FBXL2: variants seen among roughly 807,000 people sequenced by gnomAD.
FBXL2 encodes F-box/LRR-repeat protein 2.
In FBXL2, 38 loss-of-function variants were observed where a neutral mutation model predicts 69.2. The ratio of observed to expected loss-of-function variants is 0.55; its 90% confidence interval spans 0.42 to 0.72. The LOEUF (loss-of-function observed/expected upper bound fraction) is 0.72, where lower values mean the gene tolerates loss of function less well. FBXL2 is among the 30% of genes least tolerant of loss of function. FBXL2 has a pLI of 0.00. For synonymous variants in FBXL2, 192 were observed against 201.3 expected, an observed-to-expected ratio of 0.95 and a Z score of 0.39; for missense variants, 354 against 520.3, an observed-to-expected ratio of 0.68 and a Z score of 3.11.
chr3:33,346,258 G>T (rs1267219312), intron 2 of FBXL2, among the ~76,000 whole-genome samples: 1 of 151,934 alleles, frequency 6.6e-6, no homozygotes, highest in Non-Finnish European at 1.5e-5. Flanking sequence ...ATAAAATCAA[G>T]AATCTAAGCC....
intron 12 of FBXL2, 104 bp from the exon 13 acceptor site, chr3:33,378,581 T>G: frequency 1.6e-6 from 2 of 1,221,018 alleles, no homozygotes; most frequent in East Asian, 4.7e-5. Context: ...TGAGATGAGT[T>G]TTTAATTCTT....
intron 2 of FBXL2, among the ~76,000 whole-genome samples, chr3:33,346,828 A>T (rs2040475356): frequency 1.3e-5 from 1 of 76,490 alleles, no homozygotes; most frequent in Non-Finnish European, 2.2e-5. Flanking sequence ...GTTCAGATTT[A>T]AAAAAAAATT....
chr3:33,377,206 T>A (rs1240621102), intron 10 of FBXL2, 67 bp from the exon 11 acceptor site: 1 of 1,458,994 alleles, frequency 6.9e-7, no homozygotes, highest in Non-Finnish European at 9.6e-7. Context: ...GTATGCATCA[T>A]AAAATATGTG....
At chr3:33,370,602 C>T (rs2042235514) in intron 5 of FBXL2, among the ~76,000 whole-genome samples, 1 of 151,856 alleles carries the variant, frequency 6.6e-6, no homozygotes, top group Non-Finnish European at 1.5e-5. Flanking sequence ...TAGGGTTTTC[C>T]TATCACTGGT....
chr3:33,413,781 C>T, the FBXL2 span, among the ~76,000 whole-genome samples: 12 of 152,098 alleles, frequency 7.9e-5, 1 homozygote, highest in Admixed American at 7.9e-4. Flanking sequence ...CTTACCTGCA[C>T]CCACACCTGC....
At chr3:33,416,200 C>G in the FBXL2 span, 1 of 152,310 alleles carries the variant, frequency 6.6e-6, no homozygotes, top group South Asian at 2.1e-4. Flanking sequence ...TTTCATTAAC[C>G]CTGCCCTGTA....
intron 2 of FBXL2, among the ~76,000 whole-genome samples, chr3:33,325,884 G>A (rs2038653010): frequency 6.6e-6 from 1 of 152,036 alleles, no homozygotes; most frequent in Non-Finnish European, 1.5e-5. Flanking sequence ...AAAATATAAT[G>A]ATTGCAAATT....
chr3:33,280,713 CAAAAAAAAAAAAAA>C (rs34093056), intron 1 of FBXL2, among the ~76,000 whole-genome samples: 1 of 81,442 alleles, frequency 1.2e-5, no homozygotes, highest in Non-Finnish European at 2.5e-5. Flanking sequence ...GCCCTGTATC[CAAAAAAAAAAAAAA>C]AAAAAAGAAA....
chr3:33,323,246 C>T (rs1033994457), intron 2 of FBXL2, among the ~76,000 whole-genome samples: 2 of 152,130 alleles, frequency 1.3e-5, no homozygotes, highest in Admixed American at 1.3e-4. Context: ...GTGCAGTTTT[C>T]TAACTGGAAA....
intron 5 of FBXL2, chr3:33,372,366 A>T (rs2154047886): frequency 6.6e-6 from 1 of 152,636 alleles, no homozygotes. Context: ...TCTTCATCTC[A>T]GACAGTCCCA....
At chr3:33,394,817 G>GTTTTTTTTTTTTTTTTTTTTT (rs76142927) in intron 12 of FBXL2, among the ~76,000 whole-genome samples, 1 of 110,444 alleles carries the variant, frequency 9.1e-6, no homozygotes, top group Non-Finnish European at 2.1e-5. Context: ...CCCTCCACTT[G>GTTTTTTTTTTTTTTTTTTTTT]TTTTTTTTTT....
chr3:33,385,747 G>A lies in FBXL2; in HGVS notation c.*139G>A. 3.0e-6 allele frequency: 2 copies of A among 666,766 alleles called. No individual in the cohort carries two copies. Among genetic ancestry groups the A allele is most frequent in the East Asian group, 5.3e-5 (2 of 37,438 alleles). The allele number at this position is 666,766 out of a possible 1,614,324, so 41.3% of individuals were successfully genotyped here. On this transcript the variant is annotated 3_prime_UTR_variant, in exon 15 of 15. Coordinates refer to ENST00000484457, the MANE Select transcript of FBXL2 (RefSeq NM_012157.5). ...TTTACAGGTAAAAGACTTCTGTATG[G>A]ATTGCAGTTACTCTGGTGATAGTTT...
At chr3:33,299,654 G>T (rs899666182) in intron 2 of FBXL2, among the ~76,000 whole-genome samples, 3 of 152,080 alleles carry the variant, frequency 2.0e-5, no homozygotes, top group African/African-American at 7.2e-5. Context: ...ACTTCAGAGG[G>T]TGTTTCATTA....
chr3:33,419,144 A>G, the FBXL2 span, among the ~76,000 whole-genome samples: 2 of 152,180 alleles, frequency 1.3e-5, no homozygotes, highest in Admixed American at 6.5e-5. Context: ...CAAGGAATTG[A>G]AGAAGAGTCA....
intron 2 of FBXL2, among the ~76,000 whole-genome samples, chr3:33,324,544 A>G (rs771277781): frequency 6.6e-6 from 1 of 152,134 alleles, no homozygotes; most frequent in African/African-American, 2.4e-5. Flanking sequence ...TCCCAACACC[A>G]TTTGTTAAAT....
the FBXL2 span, among the ~76,000 whole-genome samples, chr3:33,410,915 A>G: frequency 6.6e-6 from 1 of 152,018 alleles, no homozygotes; most frequent in African/African-American, 2.4e-5. Flanking sequence ...TCTACTAAAA[A>G]TACAAAAATC....
At chr3:33,335,958 T>G (rs2039545205) in intron 2 of FBXL2, among the ~76,000 whole-genome samples, 1 of 152,208 alleles carries the variant, frequency 6.6e-6, no homozygotes, top group Admixed American at 6.5e-5. Flanking sequence ...TAAAAAATGT[T>G]GCTGGAGAGA....
the FBXL2 span, among the ~76,000 whole-genome samples, chr3:33,418,601 G>A: frequency 2.0e-5 from 3 of 151,604 alleles, no homozygotes; most frequent in African/African-American, 7.3e-5. Context: ...GCTCACGCTT[G>A]TAATCCCAGC....
At chr3:33,353,183 A>G (rs1481469219) in intron 2 of FBXL2, among the ~76,000 whole-genome samples, 2 of 152,220 alleles carry the variant, frequency 1.3e-5, no homozygotes, top group East Asian at 3.9e-4. Context: ...GTTAGTGAGG[A>G]TTCAAAATGG....
Sources: gnomAD v4.1 joint callset for allele counts (sites outside exome capture counted in the v4.1 genomes callset) on GRCh38, gnomAD v4.1.1 for gene constraint, MANE v1.5 for transcripts, NCBI Gene and HGNC (gene_info 2026-07-23, HGNC 2026-07-21) for gene names.